Variants in SAP130 observed in about 807,000 individuals in gnomAD.
SAP130 encodes the protein Sin3A associated protein 130.
A neutral mutation model predicts 103.2 loss-of-function variants in SAP130; 16 were observed. The ratio of observed to expected loss-of-function variants is 0.16; its 90% CI spans 0.10 to 0.24. The LOEUF (loss-of-function observed/expected upper bound fraction) is 0.24. Among genes scored for constraint, SAP130 ranks in the 10% least tolerant of loss-of-function variants. The pLI is 1.00. For synonymous variants in SAP130, 477 were observed against 497.0 expected, an observed-to-expected ratio of 0.96 and a Z score of 0.53; for missense variants, 990 against 1,359.7, an observed-to-expected ratio of 0.73 and a Z score of 4.28.
intron 7 of SAP130, among the ~76,000 whole-genome samples, chr2:128,000,765 GGCTCACACCT>G (rs1219773328): frequency 6.6e-6 from 1 of 152,088 alleles, no homozygotes; most frequent in Non-Finnish European, 1.5e-5. Flanking sequence ...CAGGTGCGGT[GGCTCACACCT>G]GTAGACACAG....
intron 14 of SAP130, among the ~76,000 whole-genome samples, chr2:127,981,316 C>CGA (rs1681863126): frequency 1.9e-4 from 28 of 145,398 alleles, no homozygotes; most frequent in South Asian, 4.5e-4. Flanking sequence ...TCCTGCACCC[C>CGA]CAATTCAGCT....
rs1233028195 is a variant in SAP130 at position 127,955,357 on chromosome 2, AG to A, written c.2064-14del. 6.6e-7 allele frequency: 1 copy of A among 1,525,046 alleles called. No individual in the cohort carries two copies. Among genetic ancestry groups the A allele is most frequent in the African/African-American group, 1.4e-5 (1 of 72,400 alleles). The allele number at this position is 1,525,046 out of a possible 1,614,324, so 94.5% of individuals were successfully genotyped here. A position where few individuals can be genotyped will look rare whatever the true frequency, so the allele number is the denominator to read the frequency against. ...CTTGGGTTTGGCACTAAAACACAAAAGAAAAGCACATGTAGCAAATAAGAAA... is the reference window on the plus strand; with the variant it reads ...CTTGGGTTTGGCACTAAAACACAAAAAAAAGCACATGTAGCAAATAAGAAA... On this transcript the variant is annotated splice_polypyrimidine_tract_variant and intron_variant, in intron 15 of 20. Transcript: ENST00000643581. The surrounding 1 kb of genome is among the most constrained non-coding windows in gnomAD (Gnocchi z 4.9).
intron 15 of SAP130, among the ~76,000 whole-genome samples, chr2:127,956,534 T>G (rs1288953534): frequency 8.5e-6 from 1 of 117,240 alleles, no homozygotes; most frequent in Admixed American, 1.0e-4. Context: ...AAGGGGAACA[T>G]CACACACCAG....
intron 14 of SAP130, among the ~76,000 whole-genome samples, chr2:127,981,438 C>T (rs1296306657): frequency 5.2e-5 from 7 of 135,172 alleles, no homozygotes; most frequent in African/African-American, 8.4e-5. Flanking sequence ...CTCCTGCACC[C>T]GACTCAGCTC....
rs188910787 is a variant in SAP130, at chr2:127,982,642, G to A, written c.1958+4143C>T. 1.6e-3 allele frequency among the ~76,000 whole-genome samples: 249 copies of A among 152,328 alleles called. 2 individuals are homozygous for A. The highest frequency in any genetic ancestry group is 0.011 in the South Asian group (52 of 4,832). ...CTTTAAGACCTTAGTGCGTCTGCGAGGCTAAGCAAGACCAGTTGGCAAAGT... is the reference window on the plus strand; with the variant it reads ...CTTTAAGACCTTAGTGCGTCTGCGAAGCTAAGCAAGACCAGTTGGCAAAGT... On this transcript the variant is annotated intron_variant, in intron 14 of 20. Coordinates refer to ENST00000643581, the MANE Select transcript of SAP130 (RefSeq NM_001330301.2).
At chr2:127,995,087 TG>T (rs1381656307) in intron 11 of SAP130, among the ~76,000 whole-genome samples, 1 of 152,108 alleles carries the variant, frequency 6.6e-6, no homozygotes, top group African/African-American at 2.4e-5. Flanking sequence ...GATACAAACA[TG>T]GAATGGGGGA....
intron 14 of SAP130, among the ~76,000 whole-genome samples, chr2:127,983,467 G>T (rs554930662): frequency 5.3e-5 from 8 of 152,296 alleles, no homozygotes; most frequent in African/African-American, 1.9e-4. Flanking sequence ...AGGACACCCT[G>T]CCTACCTCCA....
intron 5 of SAP130, among the ~76,000 whole-genome samples, chr2:128,014,111 A>G (rs900827081): frequency 6.6e-6 from 1 of 152,244 alleles, no homozygotes; most frequent in African/African-American, 2.4e-5. Context: ...ATTTTAGACC[A>G]TATTAAACAC....
Position 127,942,201 on chromosome 2 carries a change from A to G in SAP130, c.3016-37T>C. The G allele has an allele frequency of 6.4e-7, 1 of 1,556,760 alleles. No individual in the cohort carries two copies. ...GACATTGCATCATCAATCAGTGACCATGAGGATAGTACAGCTTTTAAAAAA... is the reference window on the plus strand; with the variant it reads ...GACATTGCATCATCAATCAGTGACCGTGAGGATAGTACAGCTTTTAAAAAA... On this transcript the variant is annotated intron_variant, in intron 20 of 20. Transcript: ENST00000643581. This position sits in a 1 kb window ranked among gnomAD's most constrained non-coding sequence, Gnocchi z 4.8.
chr2:127,972,254 C>T (rs528497248), intron 15 of SAP130, among the ~76,000 whole-genome samples: 40 of 152,350 alleles, frequency 2.6e-4, no homozygotes, highest in African/African-American at 9.6e-4. Flanking sequence ...ATGGCAGGTT[C>T]TTCACCTTCA....
rs1678727364 is a variant in SAP130 at position 127,941,761 on chromosome 2, G to C, written c.*245C>G. 2.0e-6 allele frequency: 1 copy of C among 489,534 alleles called. No individual in the cohort carries two copies. The highest frequency in any genetic ancestry group is 3.6e-6 in the Non-Finnish European group (1 of 280,596). 30.3% of individuals were successfully genotyped at this position (489,534 alleles called of 1,614,324 possible). A position where few individuals can be genotyped will look rare whatever the true frequency, so the allele number is the denominator to read the frequency against. On this transcript the variant is annotated 3_prime_UTR_variant, in exon 21 of 21. Transcript: ENST00000643581. ...CAACTGGTGGACACTGATGCATCCGGAGTCACTTATGACACAGATCAGGTT... is the reference window on the plus strand; with the variant it reads ...CAACTGGTGGACACTGATGCATCCGCAGTCACTTATGACACAGATCAGGTT...
chr2:127,972,409 A>G (rs1681154291), intron 15 of SAP130, among the ~76,000 whole-genome samples: 1 of 152,206 alleles, frequency 6.6e-6, no homozygotes, highest in South Asian at 2.1e-4. Context: ...CCAGGAGTTC[A>G]AGACCAGCCT....
intron 15 of SAP130, among the ~76,000 whole-genome samples, chr2:127,957,277 T>G (rs1023887174): frequency 7.2e-5 from 11 of 151,980 alleles, no homozygotes; most frequent in Admixed American, 5.3e-4. Flanking sequence ...CACTCCAGCC[T>G]GGGCAACAGA....
chr2:128,022,833 T>TA (rs1491068183), intron 2 of SAP130, among the ~76,000 whole-genome samples: 1 of 147,662 alleles, frequency 6.8e-6, no homozygotes, highest in Non-Finnish European at 1.5e-5. Flanking sequence ...TAAGTTCTTG[T>TA]TTTTTTTTTT....
rs371173393 is a variant in SAP130 at position 128,010,432 on chromosome 2, T to A, written c.745-39A>T. The A allele has an allele frequency of 1.1e-4, 181 of 1,584,668 alleles. 1 individual carries two copies. Among genetic ancestry groups the A allele is most frequent in the Middle Eastern group, 1.0e-3 (6 of 5,922 alleles). On this transcript the variant is annotated intron_variant, in intron 6 of 20. Coordinates refer to ENST00000643581, the MANE Select transcript of SAP130 (RefSeq NM_001330301.2). The stretch of plus-strand genomic sequence containing the variant: ...AAAAACAGTTCATTTAAAACAAAAA[T>A]AAAATAGAGGAAGTCAAATACTAAA...
At chr2:128,012,480 CAAAT>C (rs1393182180) in intron 6 of SAP130, among the ~76,000 whole-genome samples, 1 of 151,982 alleles carries the variant, frequency 6.6e-6, no homozygotes, top group African/African-American at 2.4e-5. Context: ...AAAACAAAAA[CAAAT>C]AAACAAAAAA....
chr2:127,998,573 A>G (rs557518516), intron 10 of SAP130, among the ~76,000 whole-genome samples: 1 of 152,322 alleles, frequency 6.6e-6, no homozygotes, highest in Non-Finnish European at 1.5e-5. Flanking sequence ...TATAATACAG[A>G]AATATTGGGG....
intron 15 of SAP130, among the ~76,000 whole-genome samples, chr2:127,972,765 A>AG (rs1431268744): frequency 6.6e-6 from 1 of 152,020 alleles, no homozygotes; most frequent in Admixed American, 6.6e-5. Flanking sequence ...CTAAAAAAAA[A>AG]GTAAATTAAA....
chr2:127,950,442 GA>G (rs1327027829), intron 16 of SAP130, 34 bp from the exon 17 acceptor site: 1 of 1,608,974 alleles, frequency 6.2e-7, no homozygotes, highest in Admixed American at 1.7e-5. Flanking sequence ...ATATCTGTAA[GA>G]ACTCAAAGAT....
Sources: gnomAD v4.1 joint callset for allele counts (sites outside exome capture counted in the v4.1 genomes callset) on GRCh38, gnomAD v4.1.1 for gene constraint, Gnocchi (gnomAD v3.1) non-coding constraint, MANE v1.5 for transcripts, NCBI Gene and HGNC (gene_info 2026-07-23, HGNC 2026-07-21) for gene names.